Variants in EXOC4 observed in about 807,000 individuals in gnomAD.
EXOC4 encodes SEC8-like 1.
Under a neutral mutation model 107.2 loss-of-function variants are expected in EXOC4, and 71 were observed. The observed-to-expected ratio is 0.66, with a 90% confidence interval of 0.55 to 0.81. The LOEUF (loss-of-function observed/expected upper bound fraction) is 0.81. Among genes scored for constraint, EXOC4 ranks in the 30% least tolerant of loss-of-function variants. The pLI, the probability that EXOC4 is intolerant of heterozygous loss-of-function variation, is 0.00. For synonymous variants in EXOC4, 456 were observed against 441.2 expected, an observed-to-expected ratio of 1.03 and a Z score of -0.42; for missense variants, 1,108 against 1,189.6, an observed-to-expected ratio of 0.93 and a Z score of 1.01.
At chr7:133,993,062 G>A (rs1274196826) in intron 14 of EXOC4, among the ~76,000 whole-genome samples, 1 of 151,860 alleles carries the variant, frequency 6.6e-6, no homozygotes, top group African/African-American at 2.4e-5. Flanking sequence ...TTATTGATTT[G>A]CATATGTTGA....
chr7:133,748,935 G>A (rs1795733100), intron 10 of EXOC4, among the ~76,000 whole-genome samples: 1 of 152,180 alleles, frequency 6.6e-6, no homozygotes, highest in African/African-American at 2.4e-5. Flanking sequence ...GTTCCCAAAT[G>A]CTACTCCAAG....
intron 9 of EXOC4, among the ~76,000 whole-genome samples, chr7:133,599,333 G>A (rs1042575722): frequency 2.0e-4 from 31 of 152,180 alleles, no homozygotes; most frequent in African/African-American, 6.5e-4. Context: ...AAATTTCCAA[G>A]ATGAATACAG....
rs537269912 is a variant in EXOC4 at position 133,641,426 on chromosome 7, G to GCA, written c.1514+11290_1514+11291dup. 2.1e-3 allele frequency among the ~76,000 whole-genome samples: 250 copies of GCA among 119,594 alleles called. 9 individuals are homozygous for GCA. In the South Asian group the frequency reaches 0.064, roughly 31 times the overall value. The allele number at this position is 119,594 out of a possible 152,430, so 78.5% of individuals were successfully genotyped here. On this transcript the variant is annotated intron_variant, in intron 10 of 17. Transcript: ENST00000253861. The stretch of plus-strand genomic sequence containing the variant: ...TTTTTAAATCTCTACACTGTCCTGA[G>GCA]CACACATATATATATAGATACACAC...
chr7:133,422,058 G>T (rs1256822628), intron 7 of EXOC4, among the ~76,000 whole-genome samples: 1 of 152,150 alleles, frequency 6.6e-6, no homozygotes, highest in Non-Finnish European at 1.5e-5. Flanking sequence ...CTGATTGAAG[G>T]TGATTAAAAA....
chr7:133,586,590 A>G (rs775630345), intron 9 of EXOC4, among the ~76,000 whole-genome samples: 27 of 152,142 alleles, frequency 1.8e-4, no homozygotes, highest in Non-Finnish European at 3.5e-4. Context: ...ATACATGTGC[A>G]TGTATCTTTA....
At chr7:133,656,374 AGTAT>A (rs3076785) in intron 10 of EXOC4, among the ~76,000 whole-genome samples, 134,539 of 149,346 alleles carry the variant, frequency 0.9, 59,925 homozygotes, top group East Asian at 0.99. Context: ...AAGCATCCAC[AGTAT>A]GTATGTATGT....
intron 5 of EXOC4, among the ~76,000 whole-genome samples, chr7:133,345,977 G>T (rs1047373425): frequency 6.6e-6 from 1 of 152,190 alleles, no homozygotes; most frequent in Non-Finnish European, 1.5e-5. Flanking sequence ...ACATTTGAAA[G>T]ACCCTAATCA....
chr7:133,382,670 A>G (rs1005015453), intron 7 of EXOC4, among the ~76,000 whole-genome samples: 1 of 152,194 alleles, frequency 6.6e-6, no homozygotes, highest in African/African-American at 2.4e-5. Context: ...GAATAGAGTT[A>G]TAAGTGTTTA....
intron 10 of EXOC4, among the ~76,000 whole-genome samples, chr7:133,768,728 A>C (rs1238351448): frequency 6.6e-6 from 1 of 151,834 alleles, no homozygotes; most frequent in African/African-American, 2.4e-5. Context: ...TCAATTCAAC[A>C]CTCTTTGAGA....
chr7:133,617,281 A>G (rs1226452827), intron 9 of EXOC4, among the ~76,000 whole-genome samples: 1 of 152,150 alleles, frequency 6.6e-6, no homozygotes, highest in Non-Finnish European at 1.5e-5. Flanking sequence ...ATCCAAAGAC[A>G]CTTGCACTGG....
At chr7:133,994,755 TTTTG>T (rs1049185600) in intron 14 of EXOC4, among the ~76,000 whole-genome samples, 2 of 88,814 alleles carry the variant, frequency 2.3e-5, no homozygotes, top group African/African-American at 1.1e-4. Context: ...ATGTACAAGG[TTTTG>T]TGTGTGTGTG....
chr7:133,964,850 T>G (rs912577756), intron 14 of EXOC4, among the ~76,000 whole-genome samples: 3 of 152,212 alleles, frequency 2.0e-5, no homozygotes, highest in South Asian at 4.1e-4. Flanking sequence ...TACCCAGTAA[T>G]GGAATTGCTG....
chr7:133,722,208 T>A (rs1266977195), intron 10 of EXOC4, among the ~76,000 whole-genome samples: 5 of 152,228 alleles, frequency 3.3e-5, no homozygotes, highest in Non-Finnish European at 7.3e-5. Flanking sequence ...CTGAAAACTG[T>A]TCTTTCATTG....
intron 10 of EXOC4, among the ~76,000 whole-genome samples, chr7:133,702,880 A>G (rs1431289432): frequency 6.6e-6 from 1 of 152,206 alleles, no homozygotes; most frequent in Non-Finnish European, 1.5e-5. Context: ...TTGTCTGTAG[A>G]TAGTAATTTT....
chr7:133,437,806 T>A, intron 7 of EXOC4, among the ~76,000 whole-genome samples: 1 of 152,156 alleles, frequency 6.6e-6, no homozygotes, highest in Non-Finnish European at 1.5e-5. Context: ...TTTTGCAAAG[T>A]CTTCCTTCTC....
the EXOC4 span, among the ~76,000 whole-genome samples, chr7:134,099,879 G>A: frequency 6.6e-6 from 1 of 151,950 alleles, no homozygotes; most frequent in African/African-American, 2.4e-5. Context: ...GCTAATTTTT[G>A]TATTTTTAGT....
intron 10 of EXOC4, among the ~76,000 whole-genome samples, chr7:133,729,587 T>C (rs1286122946): frequency 1.3e-5 from 2 of 152,144 alleles, no homozygotes; most frequent in African/African-American, 4.8e-5. Context: ...CTCCTGTGAT[T>C]GAAATGATAT....
chr7:133,493,191 G>A (rs751822120), intron 9 of EXOC4, among the ~76,000 whole-genome samples: 1 of 152,182 alleles, frequency 6.6e-6, no homozygotes, highest in African/African-American at 2.4e-5. Flanking sequence ...TTGGGAGGCC[G>A]AGGTGGGTGG....
intron 7 of EXOC4, among the ~76,000 whole-genome samples, chr7:133,424,912 A>C (rs1797690382): frequency 6.6e-6 from 1 of 152,206 alleles, no homozygotes; most frequent in African/African-American, 2.4e-5. Flanking sequence ...TGTATAAACT[A>C]GGTTGGCTAG....
Sources: gnomAD v4.1 joint callset for allele counts (sites outside exome capture counted in the v4.1 genomes callset) on GRCh38, gnomAD v4.1.1 for gene constraint, MANE v1.5 for transcripts, NCBI Gene and HGNC (gene_info 2026-07-23, HGNC 2026-07-21) for gene names.